The following PLA2G4E variants were observed in gnomAD, a reference collection of about 807,000 sequenced individuals.
PLA2G4E encodes the protein cytosolic phospholipase A2 epsilon.
A neutral mutation model predicts 109.1 loss-of-function variants in PLA2G4E; 84 were observed. The observed-to-expected ratio is 0.77, with a 90% CI of 0.65 to 0.92. The LOEUF is 0.92. Ranked by LOEUF, PLA2G4E falls within the 40% of genes least tolerant of loss-of-function variation. The pLI, the probability that PLA2G4E is intolerant of heterozygous loss-of-function variation, is 0.00. For synonymous variants in PLA2G4E, 469 were observed against 436.1 expected, an observed-to-expected ratio of 1.08 and a Z score of -0.94; for missense variants, 1,057 against 1,076.6, an observed-to-expected ratio of 0.98 and a Z score of 0.25.
intron 6 of PLA2G4E, 88 bp from the exon 7 acceptor site, chr15:42,001,308 G>T: frequency 8.0e-7 from 1 of 1,251,934 alleles, no homozygotes; most frequent in Non-Finnish European, 1.2e-6. Flanking sequence ...GGGACCAGAG[G>T]ATACATTCAG....
intron 16 of PLA2G4E, 86 bp from the exon 17 acceptor site, chr15:41,987,461 AC>A: frequency 7.6e-7 from 1 of 1,312,130 alleles, no homozygotes; most frequent in Admixed American, 2.0e-5. Flanking sequence ...GTTGCCTGGC[AC>A]CCAGGGGTGA....
intron 2 of PLA2G4E, among the ~76,000 whole-genome samples, chr15:42,011,952 C>T (rs965420570): frequency 6.6e-6 from 1 of 152,142 alleles, no homozygotes; most frequent in Non-Finnish European, 1.5e-5. Context: ...AAATCATTCA[C>T]CGATAGGCTG....
chr15:42,007,776 G>A lies in PLA2G4E; in HGVS notation c.346C>T (p.Pro116Ser). The change falls in exon 3 of 20, where the codon CCA (proline) becomes TCA (serine). Residue 116 changes from proline (P) to serine (S), a missense_variant. By Grantham distance (74) the Pro-to-Ser change is moderately conservative (BLOSUM62 -1). Coordinates refer to ENST00000399518, the Ensembl canonical transcript of PLA2G4E. ...AAGTTGAAGCTTTCATTCCACTCTGGATTTGGGCAGTTGGAGATGGTCCTT... is the reference window on the plus strand; with the variant it reads ...AAGTTGAAGCTTTCATTCCACTCTGAATTTGGGCAGTTGGAGATGGTCCTT... The A allele has an allele frequency of 6.2e-7, 1 of 1,612,610 alleles. No homozygotes were observed. The highest frequency in any genetic ancestry group is 1.3e-5 in the African/African-American group (1 of 75,024).
rs550252421 is a variant in PLA2G4E, at chr15:41,999,357, A to T, written c.974+167T>A. ...AACCCACATAAAAAGTGGGCAAAGGATCTAATAGAAATGTCTCCAAAGAAG... is the reference window on the plus strand; with the variant it reads ...AACCCACATAAAAAGTGGGCAAAGGTTCTAATAGAAATGTCTCCAAAGAAG... On this transcript the variant is annotated intron_variant, in intron 10 of 19. Transcript: ENST00000399518. Among the ~76,000 whole-genome samples, 55 of 152,292 alleles carry T rather than the reference A, an allele frequency of 3.6e-4. No individual in the cohort carries two copies. The South Asian group carries it at 0.011, about 31-fold the overall frequency.
chr15:42,033,177 G>C (rs1191049278), intron 1 of PLA2G4E, among the ~76,000 whole-genome samples: 2 of 152,164 alleles, frequency 1.3e-5, no homozygotes, highest in African/African-American at 2.4e-5. Flanking sequence ...AGGCTCCTGA[G>C]CTCTTGCTGG....
chr15:41,993,378 A>G (rs1317042372), intron 12 of PLA2G4E, among the ~76,000 whole-genome samples: 1 of 152,208 alleles, frequency 6.6e-6, no homozygotes, highest in East Asian at 1.9e-4. Flanking sequence ...TGAAGATTAC[A>G]TGAGTTAAGG....
chr15:42,032,687 G>T (rs961355964), intron 1 of PLA2G4E, among the ~76,000 whole-genome samples: 2 of 152,238 alleles, frequency 1.3e-5, no homozygotes, highest in African/African-American at 2.4e-5. Context: ...GATTTCTGGG[G>T]CCTGGCTTGT....
At chr15:41,985,932 G>A (rs892932969) in exon 18 of PLA2G4E, 16 of 1,607,050 alleles carry the variant, frequency 1.0e-5, no homozygotes, top group Non-Finnish European at 1.4e-5. Flanking sequence ...AGTTGACAAA[G>A]AACGCAGTGT....
At chr15:42,050,289 G>C (rs1475964828) in intron 1 of PLA2G4E, among the ~76,000 whole-genome samples, 1 of 152,206 alleles carries the variant, frequency 6.6e-6, no homozygotes, top group African/African-American at 2.4e-5. Flanking sequence ...TCAGTGCATA[G>C]AATGCACTTG....
intron 1 of PLA2G4E, among the ~76,000 whole-genome samples, chr15:42,022,714 T>C (rs1466187205): frequency 2.0e-5 from 3 of 152,106 alleles, no homozygotes; most frequent in Non-Finnish European, 4.4e-5. Flanking sequence ...TGGCTCTAAA[T>C]ACAGATGAAG....
At position 41,986,888 on chromosome 15, in the gene PLA2G4E, T is replaced by C. The variant is rs908349579; in HGVS notation, c.2035+284A>G. 4 of 451,074 alleles carry C rather than the reference T, an allele frequency of 8.9e-6. No individual in the cohort carries two copies. The South Asian group carries it at 1.0e-4, about 11-fold the overall frequency. The allele number at this position is 451,074 out of a possible 1,614,324, so 27.9% of individuals were successfully genotyped here. On this transcript the variant is annotated intron_variant, in intron 17 of 19. Coordinates refer to ENST00000399518, the Ensembl canonical transcript of PLA2G4E. ...GTAAGACCCCCTGTTTCCCCATCTG[T>C]AACATGGGGCCAACTTCTACCTGCT... is the stretch of plus-strand genomic sequence containing the variant.
intron 6 of PLA2G4E, among the ~76,000 whole-genome samples, chr15:42,002,428 C>T (rs1198888615): frequency 1.3e-5 from 2 of 152,028 alleles, no homozygotes; most frequent in Non-Finnish European, 2.9e-5. Context: ...AAGTGCTCGG[C>T]CAGGGTGATG....
intron 19 of PLA2G4E, among the ~76,000 whole-genome samples, chr15:41,984,217 A>G (rs894721051): frequency 6.6e-6 from 1 of 152,228 alleles, no homozygotes; most frequent in Non-Finnish European, 1.5e-5. Flanking sequence ...ACATGGCTGA[A>G]TGTCAGAAAA....
chr15:41,984,490 T>C, exon 19 of PLA2G4E: 1 of 1,613,936 alleles, frequency 6.2e-7, no homozygotes, highest in Non-Finnish European at 8.5e-7. Context: ...AAAGTCACGA[T>C]GGGGGCATCG....
chr15:42,014,107 G>A (rs1245956528), intron 1 of PLA2G4E, among the ~76,000 whole-genome samples: 5 of 151,938 alleles, frequency 3.3e-5, no homozygotes, highest in African/African-American at 1.2e-4. Flanking sequence ...GTCCAGGCTG[G>A]TCTTGAACTC....
chr15:42,011,635 T>C (rs1004976338), intron 2 of PLA2G4E, among the ~76,000 whole-genome samples: 2 of 151,860 alleles, frequency 1.3e-5, no homozygotes, highest in Middle Eastern at 3.4e-3. Context: ...CAGGCTGAGA[T>C]GGGAGGATCA....
chr15:42,003,488 G>C (rs1225277631), intron 5 of PLA2G4E, among the ~76,000 whole-genome samples: 1 of 152,206 alleles, frequency 6.6e-6, no homozygotes, highest in Non-Finnish European at 1.5e-5. Context: ...AGCATGACAT[G>C]TTTCATTTTG....
intron 1 of PLA2G4E, among the ~76,000 whole-genome samples, chr15:42,023,703 T>G (rs929515246): frequency 1.3e-5 from 2 of 150,012 alleles, no homozygotes; most frequent in African/African-American, 4.9e-5. Context: ...ATAGGCCAGG[T>G]TGAGCCCCAA....
intron 1 of PLA2G4E, among the ~76,000 whole-genome samples, chr15:42,039,815 T>A (rs1188497123): frequency 1.3e-5 from 2 of 152,134 alleles, no homozygotes; most frequent in African/African-American, 4.8e-5. Flanking sequence ...AAAATTAACA[T>A]ACATACCTTG....
Sources: gnomAD v4.1 joint callset for allele counts (sites outside exome capture counted in the v4.1 genomes callset) on GRCh38, gnomAD v4.1.1 for gene constraint, MANE v1.5 for transcripts, NCBI Gene and HGNC (gene_info 2026-07-23, HGNC 2026-07-21) for gene names.